The following SLIT3 variants were observed in gnomAD, a reference collection of about 807,000 sequenced individuals.
SLIT3 encodes slit guidance ligand 3, also known as slit homolog 3 protein.
A neutral mutation model predicts 184.0 loss-of-function variants in SLIT3; 68 were observed. The observed-to-expected ratio is 0.37, with a 90% CI of 0.30 to 0.45. SLIT3 has a LOEUF of 0.45. Among genes scored for constraint, SLIT3 ranks in the 20% least tolerant of loss-of-function variants. The pLI, the probability that SLIT3 is intolerant of heterozygous loss-of-function variation, is 1.00. For missense variants in SLIT3, 1,707 were observed against 2,026.0 expected, an observed-to-expected ratio of 0.84 and a Z score of 3.02; for synonymous variants, 831 against 828.6, an observed-to-expected ratio of 1.00 and a Z score of -0.05.
intron 3 of SLIT3, among the ~76,000 whole-genome samples, chr5:169,211,280 G>T (rs919427027): frequency 2.0e-5 from 3 of 152,284 alleles, no homozygotes; most frequent in African/African-American, 7.2e-5. Context: ...GGAGGGATTG[G>T]GGTCTCATGA....
At chr5:168,804,990 C>G (rs1387146248) in intron 9 of SLIT3, among the ~76,000 whole-genome samples, 1 of 152,238 alleles carries the variant, frequency 6.6e-6, no homozygotes, top group African/African-American at 2.4e-5. Flanking sequence ...CTATAATACT[C>G]TTCCTCCAGA....
chr5:168,886,549 G>C (rs1365291498), intron 4 of SLIT3, among the ~76,000 whole-genome samples: 1 of 152,190 alleles, frequency 6.6e-6, no homozygotes, highest in Non-Finnish European at 1.5e-5. Flanking sequence ...TGGGGTTTTA[G>C]TGTCTCCCCT....
At chr5:169,020,329 G>T (rs1485938207) in intron 4 of SLIT3, among the ~76,000 whole-genome samples, 1 of 152,160 alleles carries the variant, frequency 6.6e-6, no homozygotes, top group Non-Finnish European at 1.5e-5. Context: ...TCCATTCAAG[G>T]AGAGGAAATT....
intron 4 of SLIT3, among the ~76,000 whole-genome samples, chr5:169,063,095 A>C (rs1458898135): frequency 2.0e-5 from 3 of 152,206 alleles, no homozygotes; most frequent in African/African-American, 7.2e-5. Flanking sequence ...AGCTTGGATA[A>C]ATTAGCACAT....
intron 1 of SLIT3, among the ~76,000 whole-genome samples, chr5:169,271,801 C>G (rs556392466): frequency 2.0e-5 from 3 of 152,176 alleles, no homozygotes; most frequent in East Asian, 1.9e-4. Context: ...AGAGGAAGAA[C>G]CCTTGGGGCA....
At chr5:169,153,976 T>C (rs1304764166) in intron 4 of SLIT3, among the ~76,000 whole-genome samples, 1 of 151,062 alleles carries the variant, frequency 6.6e-6, no homozygotes, top group Non-Finnish European at 1.5e-5. Flanking sequence ...CCAGCCTTTT[T>C]TTTTTTTTTT....
intron 4 of SLIT3, among the ~76,000 whole-genome samples, chr5:169,130,798 A>G (rs1397000921): frequency 1.3e-5 from 2 of 152,228 alleles, no homozygotes; most frequent in Non-Finnish European, 2.9e-5. Context: ...GAATACTACA[A>G]AGCAGTTAGT....
At chr5:168,771,939 T>G (rs1755562941) in intron 14 of SLIT3, among the ~76,000 whole-genome samples, 1 of 152,218 alleles carries the variant, frequency 6.6e-6, no homozygotes, top group Non-Finnish European at 1.5e-5. Context: ...GCCTGGGCAC[T>G]TCATGCTATC....
At chr5:169,110,077 A>AC (rs1380232102) in intron 4 of SLIT3, among the ~76,000 whole-genome samples, 1 of 152,076 alleles carries the variant, frequency 6.6e-6, no homozygotes, top group East Asian at 1.9e-4. Context: ...TGAACTCCTG[A>AC]CCTCAGGTGA....
intron 1 of SLIT3, among the ~76,000 whole-genome samples, chr5:169,252,963 C>T (rs1472111057): frequency 6.6e-6 from 1 of 152,090 alleles, no homozygotes; most frequent in Non-Finnish European, 1.5e-5. Context: ...CAGGTACCTC[C>T]TCCTTTCCTC....
intron 4 of SLIT3, among the ~76,000 whole-genome samples, chr5:168,910,777 AC>A (rs1006361513): frequency 2.6e-5 from 4 of 151,988 alleles, no homozygotes; most frequent in East Asian, 3.9e-4. Context: ...GAAGAAAAAA[AC>A]ATCACAATTG....
chr5:169,144,683 C>G (rs556609328), intron 4 of SLIT3, among the ~76,000 whole-genome samples: 2 of 152,342 alleles, frequency 1.3e-5, no homozygotes, highest in East Asian at 3.9e-4. Flanking sequence ...ACCCAAGGCC[C>G]TGGGCCACTG....
chr5:168,738,057 C>G (rs1210523934), intron 20 of SLIT3, among the ~76,000 whole-genome samples: 1 of 152,178 alleles, frequency 6.6e-6, no homozygotes, highest in African/African-American at 2.4e-5. Context: ...AGTTATCTCT[C>G]TCTATCCATT....
chr5:168,823,203 G>A, intron 7 of SLIT3, 57 bp downstream of exon 7: 1 of 1,329,962 alleles, frequency 7.5e-7, no homozygotes. Context: ...GTAGAGTGCT[G>A]CACTTTGGGC....
chr5:169,089,282 C>G (rs1223786495), intron 4 of SLIT3, among the ~76,000 whole-genome samples: 1 of 152,096 alleles, frequency 6.6e-6, no homozygotes, highest in Admixed American at 6.6e-5. Context: ...TGACAGGTCT[C>G]TTTGTGCTGG....
At chr5:169,099,345 C>A (rs1195970761) in intron 4 of SLIT3, among the ~76,000 whole-genome samples, 3 of 152,102 alleles carry the variant, frequency 2.0e-5, no homozygotes, top group African/African-American at 7.2e-5. Context: ...TATCCTCATG[C>A]TTGTGTGACT....
At chr5:168,831,918 A>G (rs1026992432) in intron 6 of SLIT3, among the ~76,000 whole-genome samples, 1 of 152,184 alleles carries the variant, frequency 6.6e-6, no homozygotes, top group Non-Finnish European at 1.5e-5. Flanking sequence ...CCTCCGAAAA[A>G]TGTTAAAAGT....
At chr5:168,669,347 T>G (rs1761159366) in intron 35 of SLIT3, among the ~76,000 whole-genome samples, 1 of 152,212 alleles carries the variant, frequency 6.6e-6, no homozygotes, top group African/African-American at 2.4e-5. Context: ...TAGTGACTCA[T>G]GCAGGGCAGA....
At chr5:168,736,811 G>C (rs990141567) in intron 20 of SLIT3, among the ~76,000 whole-genome samples, 1 of 152,218 alleles carries the variant, frequency 6.6e-6, no homozygotes, top group Admixed American at 6.5e-5. Flanking sequence ...TAGGGACCTG[G>C]GTTTCTGCCA....
Sources: allele counts gnomAD v4.1 joint callset (sites outside exome capture counted in the v4.1 genomes callset), GRCh38; gene constraint gnomAD v4.1.1; transcripts MANE v1.5; gene names NCBI Gene and HGNC (gene_info 2026-07-23, HGNC 2026-07-21).